The following DAB1 variants were observed in gnomAD, a reference collection of about 807,000 sequenced individuals.
DAB1 encodes the protein disabled homolog 1.
Under a neutral mutation model 64.6 loss-of-function variants are expected in DAB1, and 15 were observed. The ratio of observed to expected loss-of-function variants is 0.23; its 90% CI spans 0.16 to 0.36. DAB1 has a LOEUF of 0.36. Ranked by LOEUF, DAB1 falls within the 10% of genes least tolerant of loss-of-function variation. The pLI is 1.00. For missense variants in DAB1, 596 were observed against 706.7 expected, an observed-to-expected ratio of 0.84 and a Z score of 1.78; for synonymous variants, 235 against 251.9, an observed-to-expected ratio of 0.93 and a Z score of 0.64.
At chr1:57,312,162 C>G (rs764100529) in intron 1 of DAB1, among the ~76,000 whole-genome samples, 1 of 152,218 alleles carries the variant, frequency 6.6e-6, no homozygotes, top group African/African-American at 2.4e-5. Flanking sequence ...ACGACCCCAG[C>G]CCTTAACTTG....
intron 5 of DAB1, among the ~76,000 whole-genome samples, chr1:58,081,010 G>T (rs1393410495): frequency 6.6e-6 from 1 of 152,190 alleles, no homozygotes; most frequent in African/African-American, 2.4e-5. Flanking sequence ...TACCTGCTCA[G>T]CTCCAAAGCC....
At chr1:58,240,482 C>T (rs140773663) in intron 4 of DAB1, among the ~76,000 whole-genome samples, 2 of 152,330 alleles carry the variant, frequency 1.3e-5, no homozygotes, top group Non-Finnish European at 2.9e-5. Context: ...TCCCTAAACA[C>T]TCAGACTTTT....
intron 2 of DAB1, among the ~76,000 whole-genome samples, chr1:58,506,887 T>C (rs1386991084): frequency 6.6e-6 from 1 of 152,104 alleles, no homozygotes; most frequent in Non-Finnish European, 1.5e-5. Flanking sequence ...AAAAGTACAA[T>C]ATAAAAGTAC....
chr1:58,046,139 TC>T (rs1196521552), intron 5 of DAB1, among the ~76,000 whole-genome samples: 1 of 152,192 alleles, frequency 6.6e-6, no homozygotes, highest in Non-Finnish European at 1.5e-5. Context: ...ATATGTAAAG[TC>T]CTGTGGTAGA....
intron 4 of DAB1, among the ~76,000 whole-genome samples, chr1:58,166,152 T>C (rs1053241460): frequency 1.3e-5 from 2 of 152,136 alleles, no homozygotes; most frequent in Admixed American, 6.5e-5. Flanking sequence ...TTTGTATTTT[T>C]AAAGCTCTAT....
chr1:58,318,775 C>G (rs978531062), intron 4 of DAB1, among the ~76,000 whole-genome samples: 2 of 152,164 alleles, frequency 1.3e-5, no homozygotes, highest in Non-Finnish European at 2.9e-5. Context: ...TTACTCACCT[C>G]GAAATTTAAA....
intron 1 of DAB1, among the ~76,000 whole-genome samples, chr1:57,294,521 A>G (rs1673037309): frequency 6.6e-6 from 1 of 151,968 alleles, no homozygotes; most frequent in South Asian, 2.1e-4. Context: ...ACAAACACAC[A>G]CTAAACCCAT....
intron 6 of DAB1, among the ~76,000 whole-genome samples, chr1:57,801,267 A>T (rs1316972754): frequency 6.6e-6 from 1 of 152,212 alleles, no homozygotes; most frequent in Non-Finnish European, 1.5e-5. Flanking sequence ...TGGACAAGTT[A>T]CTTGTCTTAT....
intron 1 of DAB1, among the ~76,000 whole-genome samples, chr1:57,403,412 C>T (rs994099706): frequency 1.3e-5 from 2 of 152,190 alleles, no homozygotes; most frequent in Non-Finnish European, 1.5e-5. Context: ...GCTCTTGGCT[C>T]TAGCCATAGC....
At chr1:57,613,690 C>A (rs985017155) in intron 7 of DAB1, among the ~76,000 whole-genome samples, 1 of 152,142 alleles carries the variant, frequency 6.6e-6, no homozygotes, top group Non-Finnish European at 1.5e-5. Flanking sequence ...AAACTTTTCT[C>A]AGCTAATTCT....
intron 3 of DAB1, among the ~76,000 whole-genome samples, chr1:57,144,477 T>C (rs189399107): frequency 2.0e-5 from 3 of 152,116 alleles, no homozygotes; most frequent in Non-Finnish European, 2.9e-5. Flanking sequence ...GGACGGATCA[T>C]GAGGTCAGGA....
intron 3 of DAB1, among the ~76,000 whole-genome samples, chr1:58,380,423 A>C (rs183195068): frequency 1.1e-4 from 16 of 152,362 alleles, no homozygotes; most frequent in Admixed American, 9.8e-4. Context: ...TGAGTCAATT[A>C]AACCTGTTTT....
intron 6 of DAB1, among the ~76,000 whole-genome samples, chr1:57,698,262 A>AT (rs71051246): frequency 0.36 from 50,363 of 138,832 alleles, 8,938 homozygotes; most frequent in East Asian, 0.45. Context: ...ACTTTTAAAC[A>AT]TTTTTTTTTT....
At chr1:57,667,072 C>T (rs569977564) in intron 6 of DAB1, among the ~76,000 whole-genome samples, 4 of 152,130 alleles carry the variant, frequency 2.6e-5, no homozygotes, top group Non-Finnish European at 4.4e-5. Context: ...CTACAACATA[C>T]TAGGTACTCT....
intron 3 of DAB1, among the ~76,000 whole-genome samples, chr1:58,375,838 T>G (rs373288016): frequency 6.9e-6 from 1 of 145,932 alleles, no homozygotes; most frequent in Non-Finnish European, 1.5e-5. Context: ...GGTAAACTAT[T>G]GATTATTGCC....
intron 3 of DAB1, among the ~76,000 whole-genome samples, chr1:58,448,510 T>C (rs1170150775): frequency 6.6e-6 from 1 of 152,206 alleles, no homozygotes; most frequent in Non-Finnish European, 1.5e-5. Flanking sequence ...TACTGAAGCA[T>C]GCAGTGAAGA....
intron 2 of DAB1, among the ~76,000 whole-genome samples, chr1:57,226,672 A>AAAAAAAAAATATATATATATATATAT (rs747021990): frequency 7.4e-6 from 1 of 136,014 alleles, no homozygotes; most frequent in African/African-American, 3.1e-5. Context: ...TTAAAAAAAA[A>AAAAAAAAAATATATATATATATATAT]ATATATATAT....
intron 7 of DAB1, among the ~76,000 whole-genome samples, chr1:57,548,928 C>T (rs1271962191): frequency 6.6e-6 from 1 of 152,160 alleles, no homozygotes; most frequent in African/African-American, 2.4e-5. Context: ...GAGATAGATA[C>T]TATTATCATC....
intron 1 of DAB1, among the ~76,000 whole-genome samples, chr1:57,413,819 C>G (rs1291201467): frequency 6.7e-6 from 1 of 149,522 alleles, no homozygotes; most frequent in Non-Finnish European, 1.5e-5. Flanking sequence ...GAAAGGAAGT[C>G]TAAATATCAA....
Sources: gnomAD v4.1 joint callset for allele counts (sites outside exome capture counted in the v4.1 genomes callset) on GRCh38, gnomAD v4.1.1 for gene constraint, MANE v1.5 for transcripts, NCBI Gene and HGNC (gene_info 2026-07-23, HGNC 2026-07-21) for gene names.